The following SOX6 variants were observed in gnomAD, a reference collection of about 807,000 sequenced individuals.
The protein encoded by SOX6 is SRY-box transcription factor 6, also known as transcription factor SOX-6.
A neutral mutation model predicts 97.8 loss-of-function variants in SOX6; 11 were observed. The ratio of observed to expected loss-of-function variants is 0.11; its 90% CI spans 0.07 to 0.19. The LOEUF is 0.19. SOX6 is among the 10% of genes least tolerant of loss of function. SOX6 has a pLI of 1.00. For synonymous variants in SOX6, 360 were observed against 371.4 expected, an observed-to-expected ratio of 0.97 and a Z score of 0.35; for missense variants, 810 against 1,039.5, an observed-to-expected ratio of 0.78 and a Z score of 3.04.
chr11:16,360,927 C>T (rs528454885), upstream of SOX6, among the ~76,000 whole-genome samples: 2 of 151,466 alleles, frequency 1.3e-5, no homozygotes, highest in African/African-American at 2.4e-5. Context: ...GGCGTGAACC[C>T]GGGAGGCAGA....
chr11:16,299,544 TTTTTTTTAAAATCACC>T (rs1855194496), intron 3 of SOX6, among the ~76,000 whole-genome samples: 1 of 152,042 alleles, frequency 6.6e-6, no homozygotes, highest in Non-Finnish European at 1.5e-5. Context: ...TTTAACATTC[TTTTTTTTAAAATCACC>T]ACACGCCTTT....
intron 2 of SOX6, among the ~76,000 whole-genome samples, chr11:16,733,911 C>T (rs1465231624): frequency 6.6e-6 from 1 of 151,102 alleles, no homozygotes; most frequent in African/African-American, 2.4e-5. Flanking sequence ...CCTGTAGTCC[C>T]AGCTACTCAG....
intron 4 of SOX6, among the ~76,000 whole-genome samples, chr11:16,527,633 A>G (rs1177658377): frequency 6.6e-6 from 1 of 152,166 alleles, no homozygotes; most frequent in African/African-American, 2.4e-5. Flanking sequence ...ACAGAATATG[A>G]GAAGATGTAA....
intron 1 of SOX6, among the ~76,000 whole-genome samples, chr11:16,427,838 T>A (rs796363095): frequency 0.029 from 4,354 of 152,316 alleles, 143 homozygotes; most frequent in South Asian, 0.056. Context: ...CCTTTGGGTA[T>A]ATACCCAGTA....
intron 3 of SOX6, among the ~76,000 whole-genome samples, chr11:16,298,202 G>A (rs951919604): frequency 2.6e-5 from 4 of 151,978 alleles, no homozygotes; most frequent in Admixed American, 2.6e-4. Flanking sequence ...TAAAATCCAG[G>A]AATATTAGTC....
intron 3 of SOX6, among the ~76,000 whole-genome samples, chr11:16,277,244 G>A (rs1046279361): frequency 6.6e-6 from 1 of 151,938 alleles, no homozygotes; most frequent in Admixed American, 6.6e-5. Flanking sequence ...CATGAAGGTG[G>A]GGCCTTCATA....
intron 12 of SOX6, among the ~76,000 whole-genome samples, chr11:16,025,789 G>A (rs577706346): frequency 1.3e-5 from 2 of 152,200 alleles, no homozygotes; most frequent in Non-Finnish European, 2.9e-5. Flanking sequence ...CTGCTACCAT[G>A]TATTTGTTTT....
intron 1 of SOX6, among the ~76,000 whole-genome samples, chr11:16,453,094 A>T (rs1339456318): frequency 6.6e-6 from 1 of 151,814 alleles, no homozygotes; most frequent in African/African-American, 2.4e-5. Flanking sequence ...TTATTCCCAT[A>T]CTCCTGATAT....
intron 1 of SOX6, among the ~76,000 whole-genome samples, chr11:16,401,870 T>G (rs1198577301): frequency 6.6e-6 from 1 of 151,532 alleles, no homozygotes; most frequent in African/African-American, 2.4e-5. Context: ...AAAGGTTGTT[T>G]GGGACTATAG....
At chr11:16,481,938 C>T (rs1011176569) in intron 4 of SOX6, among the ~76,000 whole-genome samples, 1 of 148,742 alleles carries the variant, frequency 6.7e-6, no homozygotes, top group Non-Finnish European at 1.5e-5. Flanking sequence ...GAAATACAAG[C>T]ATATTTTCCA....
intron 4 of SOX6, among the ~76,000 whole-genome samples, chr11:16,588,203 A>G (rs1315147754): frequency 6.6e-6 from 1 of 152,212 alleles, no homozygotes; most frequent in Admixed American, 6.5e-5. Context: ...AAAGTTCTAT[A>G]TAAAGGGGAA....
intron 3 of SOX6, chr11:16,317,117 A>G (rs1855776819): frequency 1.3e-5 from 2 of 151,974 alleles, no homozygotes; most frequent in Non-Finnish European, 1.5e-5. Context: ...AGATATATAT[A>G]TCAAGCAGAC....
At chr11:16,601,805 T>G (rs1386479893) in intron 4 of SOX6, among the ~76,000 whole-genome samples, 1 of 152,084 alleles carries the variant, frequency 6.6e-6, no homozygotes, top group Admixed American at 6.5e-5. Flanking sequence ...GAAACAGACA[T>G]AAAATCTCAA....
At chr11:16,501,324 G>C (rs1422124361) in intron 4 of SOX6, among the ~76,000 whole-genome samples, 1 of 145,950 alleles carries the variant, frequency 6.9e-6, no homozygotes, top group Non-Finnish European at 1.5e-5. Context: ...ATGGATTAAA[G>C]ACTTAAATGT....
intron 1 of SOX6, among the ~76,000 whole-genome samples, chr11:16,351,852 TATC>T (rs1029161068): frequency 6.6e-6 from 1 of 152,102 alleles, no homozygotes; most frequent in Non-Finnish European, 1.5e-5. Context: ...AAATGTATAA[TATC>T]ATTATATTTT....
chr11:16,520,573 A>G lies in SOX6; in HGVS notation n.610-44185T>C, dbSNP rs568571353. Among the ~76,000 whole-genome samples the G allele has an allele frequency of 1.5e-4, 23 of 152,316 alleles. 1 individual carries two copies. Among genetic ancestry groups the G allele is most frequent in the Admixed American group, 1.2e-3 (19 of 15,296 alleles). ...GACGTAGAAGACGGGTGATTTCTGC[A>G]TTTCCATCTGAGGTACCAGGTTCAT... On this transcript the variant is annotated intron_variant and non_coding_transcript_variant, in intron 4 of 5. Coordinates refer to the SOX6 transcript ENST00000524520.
At chr11:16,654,986 G>A (rs929797115) in intron 3 of SOX6, among the ~76,000 whole-genome samples, 1 of 152,156 alleles carries the variant, frequency 6.6e-6, no homozygotes, top group Non-Finnish European at 1.5e-5. Flanking sequence ...ACAAAGAGGT[G>A]CTCCTTAAGT....
intron 3 of SOX6, among the ~76,000 whole-genome samples, chr11:16,292,481 G>C (rs901346461): frequency 2.0e-5 from 3 of 151,912 alleles, no homozygotes; most frequent in African/African-American, 7.3e-5. Flanking sequence ...TTAACCCCTA[G>C]GTCCAATCAT....
chr11:16,217,188 T>A (rs1402561607), intron 4 of SOX6, among the ~76,000 whole-genome samples: 2 of 152,124 alleles, frequency 1.3e-5, no homozygotes, highest in Non-Finnish European at 2.9e-5. Context: ...TCTCAGTAGG[T>A]TTTCCCACAT....
Sources: allele counts gnomAD v4.1 joint callset (sites outside exome capture counted in the v4.1 genomes callset), GRCh38; gene constraint gnomAD v4.1.1; transcripts MANE v1.5; gene names NCBI Gene and HGNC (gene_info 2026-07-23, HGNC 2026-07-21).